The following NCAPH variants were observed in gnomAD, a reference collection of about 807,000 sequenced individuals.
NCAPH encodes the protein condensin complex subunit 2.
In NCAPH, 38 loss-of-function variants were observed where a neutral mutation model predicts 85.5. The ratio of observed to expected loss-of-function variants is 0.44; its 90% CI spans 0.34 to 0.58. The LOEUF is 0.58. Ranked by LOEUF, NCAPH falls within the 20% of genes least tolerant of loss-of-function variation. The pLI, the probability that NCAPH is intolerant of heterozygous loss-of-function variation, is 0.01. For synonymous variants in NCAPH, 301 were observed against 335.1 expected (o/e 0.90, Z 1.11); for missense variants, 789 against 916.6 (o/e 0.86, Z 1.80).
chr2:96,360,675 ACT>A lies in NCAPH; in HGVS notation c.1555_1556del (p.Leu519GlyfsTer13). 1.9e-6 allele frequency: 3 copies of A among 1,614,134 alleles called. No homozygotes were observed. Among genetic ancestry groups the A allele is most frequent in the Non-Finnish European group, 2.5e-6 (3 of 1,180,016 alleles). On this transcript the variant is annotated frameshift_variant, in exon 12 of 18. Coordinates refer to ENST00000240423, the MANE Select transcript of NCAPH (RefSeq NM_015341.5). LOFTEE classifies it high-confidence loss of function. ...TACAGATTTCAACTACAATGTTGAC[ACT>A]CTGGTCCAGCTTCACCTCAAACCAG... ...LPTDFNYNVDTLVQLHLKPGT... is the reference protein window; with the variant it reads ...LPTDFNYNVDXLVQLHLKPGT...
In NCAPH at chr2:96,335,781, C is replaced by T; in HGVS notation, c.-49C>T. 1 of 1,465,204 alleles carries T rather than the reference C, an allele frequency of 6.8e-7. No individual in the cohort carries two copies. The highest frequency in any genetic ancestry group is 9.0e-7 in the Non-Finnish European group (1 of 1,108,166). The allele number at this position is 1,465,204 out of a possible 1,614,324, so 90.8% of individuals were successfully genotyped here. On this transcript the variant is annotated 5_prime_UTR_variant, in exon 1 of 18. Transcript: ENST00000240423. Reference sequence around the variant, plus strand: ...TCACGCGGCCGTTACGGCGCTCAGGCGTCTCGACGCGCGCGATTTAAAACC... The same window carrying T: ...TCACGCGGCCGTTACGGCGCTCAGGTGTCTCGACGCGCGCGATTTAAAACC...
intron 16 of NCAPH, 88 bp downstream of exon 16, chr2:96,369,151 T>C: frequency 7.8e-7 from 1 of 1,283,190 alleles, no homozygotes; most frequent in South Asian, 1.4e-5. Flanking sequence ...ACCTGTTTCC[T>C]ATGACATTTA....
intron 6 of NCAPH, among the ~76,000 whole-genome samples, chr2:96,347,219 A>T (rs894600930): frequency 5.3e-5 from 8 of 151,208 alleles, no homozygotes; most frequent in Admixed American, 3.3e-4. Flanking sequence ...AGAGGCCCGC[A>T]GGGGAAGCCT....
chr2:96,351,399 T>C (rs2064439584), intron 6 of NCAPH, among the ~76,000 whole-genome samples: 1 of 152,180 alleles, frequency 6.6e-6, no homozygotes, highest in South Asian at 2.1e-4. Context: ...TTGGGTGCGG[T>C]GGTTCACAAC....
intron 13 of NCAPH, 102 bp from the exon 14 acceptor site, chr2:96,365,774 C>T (rs1341414504): frequency 1.7e-6 from 2 of 1,157,146 alleles, no homozygotes; most frequent in Non-Finnish European, 2.5e-6. Context: ...AGTGAACCAT[C>T]AGATGGTCTC....
rs1374675279 is a variant in NCAPH at position 96,336,961 on chromosome 2, C to T, written c.19+1113C>T. Among the ~76,000 whole-genome samples, 20 of 152,084 alleles carry T rather than the reference C, an allele frequency of 1.3e-4. 1 individual carries two copies. The highest frequency in any genetic ancestry group is 1.3e-3 in the Admixed American group (20 of 15,252). ...AGCTGTTTCAAATGCTGCTGGATTCCAAGAGAAAGGCCAGAAAATGACCAT... is the reference window on the plus strand; with the variant it reads ...AGCTGTTTCAAATGCTGCTGGATTCTAAGAGAAAGGCCAGAAAATGACCAT... On this transcript the variant is annotated intron_variant, in intron 1 of 17. Coordinates refer to ENST00000240423, the MANE Select transcript of NCAPH (RefSeq NM_015341.5).
Position 96,373,598 on chromosome 2 carries a change from G to A in NCAPH, c.*247G>A. ...ACCATCTAGGAGAGGGGAGGGCAGAGGGGGTGAGGGTACTATTCTGGATTG... is the reference window on the plus strand; with the variant it reads ...ACCATCTAGGAGAGGGGAGGGCAGAAGGGGTGAGGGTACTATTCTGGATTG... On this transcript the variant is annotated 3_prime_UTR_variant, in exon 18 of 18. Coordinates refer to ENST00000240423, the MANE Select transcript of NCAPH (RefSeq NM_015341.5). The A allele has an allele frequency of 2.5e-6, 1 of 403,502 alleles. No homozygotes were observed. The highest frequency in any genetic ancestry group is 4.5e-6 in the Non-Finnish European group (1 of 223,980). The allele number at this position is 403,502 out of a possible 1,614,324, so 25.0% of individuals were successfully genotyped here.
chr2:96,356,405 T>C (rs1052881962), intron 9 of NCAPH, among the ~76,000 whole-genome samples: 2 of 152,224 alleles, frequency 1.3e-5, no homozygotes, highest in African/African-American at 4.8e-5. Flanking sequence ...TGGGACCAGT[T>C]GATAATAACA....
In NCAPH at chr2:96,376,479, T is replaced by A. The variant is rs1473274554; in HGVS notation, c.*3128T>A. ...TATGGTACAGCTAGGTGCACTTCCC[T>A]GGCCAGACCACCCTACAGTGTATGA... On this transcript the variant is annotated 3_prime_UTR_variant, in exon 18 of 18. Transcript: ENST00000240423. Among the ~76,000 whole-genome samples the A allele has an allele frequency of 1.3e-5, 2 of 152,232 alleles. No individual in the cohort carries two copies. The highest frequency in any genetic ancestry group is 1.3e-4 in the Admixed American group (2 of 15,286).
rs187668788 is a variant in NCAPH, at chr2:96,337,947, G to T, written c.19+2099G>T. 4.7e-5 allele frequency among the ~76,000 whole-genome samples: 7 copies of T among 148,644 alleles called. No individual in the cohort carries two copies. In the East Asian group the frequency reaches 1.2e-3, roughly 25 times the overall value. On this transcript the variant is annotated intron_variant, in intron 1 of 17. Transcript: ENST00000240423. Reference sequence around the variant, plus strand: ...CCAACAACCCTTTTTTTTTTTCTGAGACAGAGTCTTGCTCTGTCCCCCAGG... The same window carrying T: ...CCAACAACCCTTTTTTTTTTTCTGATACAGAGTCTTGCTCTGTCCCCCAGG...
At chr2:96,337,904 C>G (rs1179594708) in intron 1 of NCAPH, among the ~76,000 whole-genome samples, 3 of 151,676 alleles carry the variant, frequency 2.0e-5, no homozygotes, top group African/African-American at 7.3e-5. Context: ...TTCTAATTCA[C>G]TCTCTGGTTC....
rs1292656561 is a variant in NCAPH, at chr2:96,341,832, G to A, written c.210G>A (p.Ser70=). The A allele has an allele frequency of 3.1e-6, 5 of 1,613,512 alleles. No homozygotes were observed. Among genetic ancestry groups the A allele is most frequent in the Admixed American group, 1.7e-5 (1 of 60,012 alleles). The change falls in exon 2 of 18, where the codon TCG becomes TCA. Residue 70 remains serine (S), a synonymous_variant. Coordinates refer to ENST00000240423, the MANE Select transcript of NCAPH (RefSeq NM_015341.5). ...AGGAGCGGCTGCAGCGGAGGCGCTC[G>A]AGGGTCTTTGATCTGCAGTTCAGCA... is the stretch of plus-strand genomic sequence containing the variant. ...DEKERLQRRR[S]RVFDLQFSTD...
At chr2:96,345,001 CTCT>C (rs2064344221) in intron 6 of NCAPH, among the ~76,000 whole-genome samples, 1 of 152,194 alleles carries the variant, frequency 6.6e-6, no homozygotes, top group African/African-American at 2.4e-5. Context: ...TTACTTTTCT[CTCT>C]TACCTCCACA....
At chr2:96,362,597 A>C (rs2064640486) in intron 12 of NCAPH, among the ~76,000 whole-genome samples, 1 of 152,028 alleles carries the variant, frequency 6.6e-6, no homozygotes, top group Non-Finnish European at 1.5e-5. Context: ...AGTACACTGC[A>C]CTCCAGCCTG....
At chr2:96,348,141 C>A (rs550579620) in intron 6 of NCAPH, among the ~76,000 whole-genome samples, 1 of 151,852 alleles carries the variant, frequency 6.6e-6, no homozygotes, top group African/African-American at 2.4e-5. Flanking sequence ...CTGGCCCCAA[C>A]CACATCTCGG....
In NCAPH at chr2:96,337,922, CCAACAACCCTTTTTTT is replaced by C. The variant is rs1037895607; in HGVS notation, c.19+2075_19+2090del. Among the ~76,000 whole-genome samples the C allele has an allele frequency of 2.3e-4, 35 of 151,678 alleles. No homozygotes were observed. The South Asian group carries it at 5.6e-3, about 24-fold the overall frequency. On this transcript the variant is annotated intron_variant, in intron 1 of 17. Coordinates refer to ENST00000240423, the MANE Select transcript of NCAPH (RefSeq NM_015341.5). Reference sequence around the variant, plus strand: ...TAATTCACTCTCTGGTTCCCTGACTCCAACAACCCTTTTTTTTTTTCTGAGACAGAGTCTTGCTCTG... The same window carrying C: ...TAATTCACTCTCTGGTTCCCTGACTCTTTTCTGAGACAGAGTCTTGCTCTG...
chr2:96,376,706 T>C lies in NCAPH; in HGVS notation c.*3355T>C, dbSNP rs764278066. Among the ~76,000 whole-genome samples, 22 of 152,216 alleles carry C rather than the reference T, an allele frequency of 1.4e-4. No homozygotes were observed. The highest frequency in any genetic ancestry group is 7.9e-4 in the Admixed American group (12 of 15,286). ...CTGGAGCAAGGAAAGGAACCGTTCATGGTGGCTGAAGCCAAGCTGCTCAGC... is the reference window on the plus strand; with the variant it reads ...CTGGAGCAAGGAAAGGAACCGTTCACGGTGGCTGAAGCCAAGCTGCTCAGC... On this transcript the variant is annotated 3_prime_UTR_variant, in exon 18 of 18. Transcript: ENST00000240423.
chr2:96,374,488 C>T lies in NCAPH; in HGVS notation c.*1137C>T, dbSNP rs2064811593. On this transcript the variant is annotated 3_prime_UTR_variant, in exon 18 of 18. Transcript: ENST00000240423. ...CTGGTCCTGGATCTCTGCCAGAACACCCGTCATCATTGACTGGCTAAATAG... is the reference window on the plus strand; with the variant it reads ...CTGGTCCTGGATCTCTGCCAGAACATCCGTCATCATTGACTGGCTAAATAG... 1.3e-5 allele frequency among the ~76,000 whole-genome samples: 2 copies of T among 152,194 alleles called. No homozygotes were observed. Among genetic ancestry groups the T allele is most frequent in the African/African-American group, 2.4e-5 (1 of 41,438 alleles).
intron 6 of NCAPH, among the ~76,000 whole-genome samples, chr2:96,347,759 T>C (rs1201185016): frequency 6.6e-6 from 1 of 152,216 alleles, no homozygotes; most frequent in Non-Finnish European, 1.5e-5. Context: ...GTGAGATGAA[T>C]GCCAGTGTTC....
Sources: gnomAD v4.1 joint callset for allele counts (sites outside exome capture counted in the v4.1 genomes callset) on GRCh38, gnomAD v4.1.1 for gene constraint, MANE v1.5 for transcripts, NCBI Gene and HGNC (gene_info 2026-07-23, HGNC 2026-07-21) for gene names.